NDUFA5: variants seen among roughly 807,000 people sequenced by gnomAD.
NDUFA5 encodes NADH:ubiquinone oxidoreductase subunit A5, also known as NADH dehydrogenase [ubiquinone] 1 alpha subcomplex subunit 5.
Under a neutral mutation model 19.8 loss-of-function variants are expected in NDUFA5, and 11 were observed. That is an observed-to-expected ratio of 0.56 (90% CI 0.35 to 0.92). The LOEUF is 0.92. Among genes scored for constraint, NDUFA5 ranks in the 40% least tolerant of loss-of-function variants. The probability of loss-of-function intolerance (pLI) is 0.01; values close to 1 mark genes in which losing one functional copy is unlikely to be tolerated. For missense variants in NDUFA5, 109 were observed against 134.2 expected, an observed-to-expected ratio of 0.81 and a Z score of 0.93; for synonymous variants, 47 against 46.8, an observed-to-expected ratio of 1.00 and a Z score of -0.01.
In NDUFA5 at chr7:123,545,629, T is replaced by C; in HGVS notation, c.231A>G (p.Leu77=). 1 of 1,611,348 alleles carries C rather than the reference T, an allele frequency of 6.2e-7. No individual in the cohort carries two copies. Among genetic ancestry groups the C allele is most frequent in the Non-Finnish European group, 8.5e-7 (1 of 1,178,826 alleles). Residue 77 remains leucine (L), a synonymous_variant, in exon 4 of 5, where the codon TTA becomes TTG. Transcript: ENST00000355749. ...KLEDQLQGGQ[L]EEVILQAEHE... is the part of the protein sequence containing the mutation. ...TCTTTACCTGAAGAATCACCTCTTCTAATTGACCGCCTTGAAGTTGGTCTT... is the reference window on the plus strand; with the variant it reads ...TCTTTACCTGAAGAATCACCTCTTCCAATTGACCGCCTTGAAGTTGGTCTT...
chr7:123,555,565 CCA>C (rs1397836382), intron 2 of NDUFA5: 6 of 152,110 alleles, frequency 3.9e-5, no homozygotes, highest in Non-Finnish European at 8.8e-5. Flanking sequence ...AAAATACAGC[CCA>C]CAGAGGAAGA....
chr7:123,595,559 T>C, the NDUFA5 span, among the ~76,000 whole-genome samples: 3 of 152,198 alleles, frequency 2.0e-5, no homozygotes, highest in South Asian at 2.1e-4. Flanking sequence ...TTCATTTTCT[T>C]ACTTATGTAA....
the NDUFA5 span, among the ~76,000 whole-genome samples, chr7:123,600,994 GA>G: frequency 1.3e-5 from 2 of 152,124 alleles, no homozygotes; most frequent in African/African-American, 4.8e-5. Flanking sequence ...TATAAAATAT[GA>G]AATGAGTTTC....
At chr7:123,585,449 C>G in the NDUFA5 span, among the ~76,000 whole-genome samples, 1 of 151,580 alleles carries the variant, frequency 6.6e-6, no homozygotes, top group African/African-American at 2.4e-5. Flanking sequence ...ACATCAGCAC[C>G]CTTTGACCTG....
chr7:123,556,105 T>A (rs1188912680), intron 2 of NDUFA5: 2 of 152,094 alleles, frequency 1.3e-5, no homozygotes, highest in Non-Finnish European at 2.9e-5. Flanking sequence ...AAATAACAAA[T>A]GTGGAGTGTA....
chr7:123,599,790 T>G, the NDUFA5 span, among the ~76,000 whole-genome samples: 1 of 152,206 alleles, frequency 6.6e-6, no homozygotes, highest in Non-Finnish European at 1.5e-5. Context: ...GAATGCGTAT[T>G]TGGATGTCAG....
intron 2 of NDUFA5, chr7:123,557,131 C>T: frequency 3.1e-6 from 2 of 650,168 alleles, no homozygotes; most frequent in Non-Finnish European, 5.7e-6. Flanking sequence ...TTTGAGATGG[C>T]GCTGACAGAA....
At chr7:123,553,134 T>C (rs985779057) in intron 2 of NDUFA5, among the ~76,000 whole-genome samples, 11 of 152,224 alleles carry the variant, frequency 7.2e-5, no homozygotes, top group African/African-American at 2.7e-4. Context: ...AGACTGGACA[T>C]GGATCACACT....
the NDUFA5 span, among the ~76,000 whole-genome samples, chr7:123,563,203 C>T: frequency 6.6e-6 from 1 of 152,144 alleles, no homozygotes; most frequent in Admixed American, 6.5e-5. Context: ...GTGCAAGAGG[C>T]CTACTTTTTG....
chr7:123,561,770 G>C (rs995975392), upstream of NDUFA5, among the ~76,000 whole-genome samples: 5 of 151,902 alleles, frequency 3.3e-5, no homozygotes, highest in Non-Finnish European at 5.9e-5. Context: ...GCTAATTTTT[G>C]TATTCTTAGT....
the NDUFA5 span, among the ~76,000 whole-genome samples, chr7:123,587,748 A>G: frequency 1.3e-5 from 2 of 151,774 alleles, no homozygotes; most frequent in African/African-American, 2.4e-5. Flanking sequence ...AATATCAAAA[A>G]AGATGTTGAT....
chr7:123,574,315 A>G, the NDUFA5 span, among the ~76,000 whole-genome samples: 28 of 151,894 alleles, frequency 1.8e-4, no homozygotes, highest in African/African-American at 6.5e-4. Context: ...TTAGCCCAGG[A>G]CAATCTTTTA....
the NDUFA5 span, among the ~76,000 whole-genome samples, chr7:123,588,740 C>T: frequency 6.6e-6 from 1 of 151,450 alleles, no homozygotes; most frequent in Non-Finnish European, 1.5e-5. Flanking sequence ...ATTGCTTTTG[C>T]TACATCTTGC....
the NDUFA5 span, among the ~76,000 whole-genome samples, chr7:123,581,239 A>G: frequency 6.6e-6 from 1 of 151,838 alleles, no homozygotes; most frequent in South Asian, 2.1e-4. Flanking sequence ...AGGGTATGGG[A>G]GATCTGTAAG....
chr7:123,564,149 C>A, the NDUFA5 span, among the ~76,000 whole-genome samples: 5 of 152,220 alleles, frequency 3.3e-5, no homozygotes, highest in South Asian at 1.0e-3. Flanking sequence ...AATAAAACAA[C>A]AACAAGAAAA....
the NDUFA5 span, among the ~76,000 whole-genome samples, chr7:123,571,455 A>G: frequency 6.6e-6 from 1 of 152,240 alleles, no homozygotes; most frequent in Non-Finnish European, 1.5e-5. Context: ...GAAAGTGATG[A>G]AATATCATAA....
the NDUFA5 span, among the ~76,000 whole-genome samples, chr7:123,594,563 T>A: frequency 6.6e-6 from 1 of 152,176 alleles, no homozygotes; most frequent in Admixed American, 6.5e-5. Context: ...TGTTGGAGTT[T>A]GCTGGAGGTC....
At chr7:123,575,668 G>A in the NDUFA5 span, among the ~76,000 whole-genome samples, 1 of 151,646 alleles carries the variant, frequency 6.6e-6, no homozygotes, top group African/African-American at 2.4e-5. Context: ...CTTTATCTTT[G>A]AAGGACAGCT....
Position 123,541,798 on chromosome 7 carries a change from A to T in NDUFA5, c.*321T>A, listed in dbSNP as rs1179463588. The T allele has an allele frequency of 1.2e-5, 2 of 165,566 alleles. No individual in the cohort carries two copies. The highest frequency in any genetic ancestry group is 1.3e-4 in the Admixed American group (2 of 15,712). 10.3% of individuals were successfully genotyped at this position (165,566 alleles called of 1,614,324 possible). Reference sequence around the variant, plus strand: ...AAAAATTAAATGATGTATTGAACATACTACTAAAGAAAGTTTACTTTTTGA... The same window carrying T: ...AAAAATTAAATGATGTATTGAACATTCTACTAAAGAAAGTTTACTTTTTGA... On this transcript the variant is annotated 3_prime_UTR_variant, in exon 5 of 5. Transcript: ENST00000355749.
Sources: gnomAD v4.1 joint callset for allele counts (sites outside exome capture counted in the v4.1 genomes callset) on GRCh38, gnomAD v4.1.1 for gene constraint, MANE v1.5 for transcripts, NCBI Gene and HGNC (gene_info 2026-07-23, HGNC 2026-07-21) for gene names.